The following CWF19L2 variants were observed in gnomAD, a reference collection of about 807,000 sequenced individuals.
CWF19L2 encodes CWF19 like cell cycle control factor 2.
Under a neutral mutation model 111.7 loss-of-function variants are expected in CWF19L2, and 98 were observed. The ratio of observed to expected loss-of-function variants is 0.88; its 90% confidence interval spans 0.75 to 1.04. CWF19L2 has a LOEUF of 1.04. Among genes scored for constraint, CWF19L2 ranks in the 50% least tolerant of loss-of-function variants. The probability of loss-of-function intolerance (pLI) is 0.00; values close to 1 mark genes in which losing one functional copy is unlikely to be tolerated. For missense variants in CWF19L2, 1,101 were observed against 1,051.4 expected (o/e 1.05, Z -0.65); for synonymous variants, 351 against 342.9 (o/e 1.02, Z -0.26).
At chr11:107,414,410 T>G (rs1861197794) in intron 10 of CWF19L2, among the ~76,000 whole-genome samples, 1 of 152,122 alleles carries the variant, frequency 6.6e-6, no homozygotes, top group Non-Finnish European at 1.5e-5. Context: ...ACTCAGCTGT[T>G]CAACTTCTAA....
intron 3 of CWF19L2, among the ~76,000 whole-genome samples, chr11:107,443,889 T>C (rs947243164): frequency 2.0e-5 from 3 of 152,212 alleles, no homozygotes. Flanking sequence ...AGGGCCACCT[T>C]ATCCTCCTAC....
chr11:107,414,082 T>C (rs1861193156), intron 10 of CWF19L2, among the ~76,000 whole-genome samples: 1 of 152,228 alleles, frequency 6.6e-6, no homozygotes, highest in South Asian at 2.1e-4. Context: ...CCTCAGTTTC[T>C]TGATCTATAA....
intron 17 of CWF19L2, among the ~76,000 whole-genome samples, chr11:107,327,378 C>T (rs545839751): frequency 1.7e-4 from 26 of 152,062 alleles, no homozygotes; most frequent in African/African-American, 5.5e-4. Flanking sequence ...TAGAGGCTCC[C>T]GTAAACAATT....
rs187113307 is a variant in CWF19L2, at chr11:107,444,545, T to C, written c.340-1496A>G. Among the ~76,000 whole-genome samples, 351 of 152,346 alleles carry C rather than the reference T, an allele frequency of 2.3e-3. 4 individuals are homozygous for C. Among genetic ancestry groups the C allele is most frequent in the Admixed American group, 0.022 (331 of 15,306 alleles). On this transcript the variant is annotated intron_variant, in intron 3 of 17. Transcript: ENST00000282251. The stretch of plus-strand genomic sequence containing the variant: ...ATTCTTTGCCCATGACATTTTTCAA[T>C]GTCTAAACATTCCCTTTGGGCCATT...
intron 10 of CWF19L2, among the ~76,000 whole-genome samples, chr11:107,393,738 T>C (rs1485519589): frequency 2.6e-5 from 4 of 152,076 alleles, no homozygotes; most frequent in South Asian, 2.1e-4. Flanking sequence ...CACAGCAGCA[T>C]GGATGGAGCT....
chr11:107,436,257 T>C (rs1229560852), intron 6 of CWF19L2, among the ~76,000 whole-genome samples: 1 of 151,788 alleles, frequency 6.6e-6, no homozygotes, highest in African/African-American at 2.4e-5. Flanking sequence ...AAAAGATATA[T>C]CAAATAATTA....
intron 14 of CWF19L2, among the ~76,000 whole-genome samples, chr11:107,346,793 A>G (rs1333877422): frequency 2.0e-5 from 3 of 152,342 alleles, no homozygotes; most frequent in African/African-American, 7.2e-5. Flanking sequence ...TACATGTTCA[A>G]CACTGCCACC....
Position 107,354,321 on chromosome 11 carries a change from T to C in CWF19L2, c.1873-585A>G, listed in dbSNP as rs558539702. Among the ~76,000 whole-genome samples, 5 of 152,340 alleles carry C rather than the reference T, an allele frequency of 3.3e-5. No individual in the cohort carries two copies. In the South Asian group the frequency reaches 1.0e-3, roughly 32 times the overall value. On this transcript the variant is annotated intron_variant, in intron 12 of 17. Coordinates refer to ENST00000282251, the MANE Select transcript of CWF19L2 (RefSeq NM_152434.3). ...AAATCATACATACATAAAGTCATAA[T>C]GGTTTAAAGCTTAGATTCCACAGTC...
intron 8 of CWF19L2, among the ~76,000 whole-genome samples, chr11:107,421,036 T>C (rs1056104397): frequency 6.6e-6 from 1 of 152,262 alleles, no homozygotes; most frequent in East Asian, 1.9e-4. Context: ...AGATACACCA[T>C]GTTCTAAGCT....
chr11:107,352,839 A>T (rs1860176736), intron 13 of CWF19L2, among the ~76,000 whole-genome samples: 1 of 152,156 alleles, frequency 6.6e-6, no homozygotes, highest in Non-Finnish European at 1.5e-5. Flanking sequence ...ATGTTTCCCA[A>T]ACTATTCGTT....
chr11:107,336,886 A>C (rs1302442426), intron 14 of CWF19L2, among the ~76,000 whole-genome samples, 173 bp from the exon 15 acceptor site: 1 of 152,218 alleles, frequency 6.6e-6, no homozygotes, highest in Non-Finnish European at 1.5e-5. Flanking sequence ...TAGTTACTTT[A>C]CTTTCTAAAT....
intron 11 of CWF19L2, among the ~76,000 whole-genome samples, chr11:107,391,985 G>A (rs1274725101): frequency 6.6e-6 from 1 of 152,040 alleles, no homozygotes; most frequent in African/African-American, 2.4e-5. Context: ...TGCATTTATG[G>A]ATCCCTAGTC....
intron 14 of CWF19L2, among the ~76,000 whole-genome samples, chr11:107,344,633 T>C (rs931713135): frequency 1.3e-5 from 2 of 152,234 alleles, no homozygotes; most frequent in African/African-American, 2.4e-5. Flanking sequence ...ATTTTCCTAA[T>C]TGCTTGTTGA....
intron 3 of CWF19L2, among the ~76,000 whole-genome samples, chr11:107,443,873 A>G (rs1366474979): frequency 6.6e-6 from 1 of 152,194 alleles, no homozygotes; most frequent in Non-Finnish European, 1.5e-5. Context: ...CCTCATCAAG[A>G]AAACTAGGGC....
chr11:107,364,373 T>C (rs1379431848), intron 12 of CWF19L2, among the ~76,000 whole-genome samples: 1 of 148,116 alleles, frequency 6.8e-6, no homozygotes, highest in Non-Finnish European at 1.5e-5. Flanking sequence ...AATATACATT[T>C]TTTTCAGCAC....
Position 107,353,629 on chromosome 11 carries a change from T to C in CWF19L2, c.1980A>G (p.Lys660=), listed in dbSNP as rs751201702. ...CAAGACTCCGATGCTCAGCAATAGC[T>C]TTTTTCCTTTGGTTCTCTTCCTCTT... is the stretch of plus-strand genomic sequence containing the variant. ...LGEEEENQRK[K]AIAEHRSLAA... The change falls in exon 13 of 18, where the codon AAA becomes AAG. Residue 660 remains lysine (K), a synonymous_variant. Transcript: ENST00000282251. 8 of 1,613,684 alleles carry C rather than the reference T, an allele frequency of 5.0e-6. No homozygotes were observed. The highest frequency in any genetic ancestry group is 2.7e-5 in the African/African-American group (2 of 74,922).
At chr11:107,435,807 T>A (rs1040915413) in intron 6 of CWF19L2, among the ~76,000 whole-genome samples, 4 of 151,780 alleles carry the variant, frequency 2.6e-5, no homozygotes, top group African/African-American at 7.3e-5. Flanking sequence ...TAAAAAAAAA[T>A]TTAGTCAATA....
At chr11:107,424,761 A>G (rs550759926) in intron 8 of CWF19L2, among the ~76,000 whole-genome samples, 3 of 152,066 alleles carry the variant, frequency 2.0e-5, no homozygotes, top group African/African-American at 7.2e-5. Context: ...ATGAGGATAA[A>G]TGACAAAAAT....
At chr11:107,430,273 T>A (rs545944425) in intron 7 of CWF19L2, among the ~76,000 whole-genome samples, 1 of 151,002 alleles carries the variant, frequency 6.6e-6, no homozygotes, top group South Asian at 2.1e-4. Flanking sequence ...TGAGCCTGTA[T>A]ATGGATAGGG....
Sources: gnomAD v4.1 joint callset for allele counts (sites outside exome capture counted in the v4.1 genomes callset) on GRCh38, gnomAD v4.1.1 for gene constraint, MANE v1.5 for transcripts, NCBI Gene and HGNC (gene_info 2026-07-23, HGNC 2026-07-21) for gene names.